ANKS1B: variants seen among roughly 807,000 people sequenced by gnomAD.
ANKS1B encodes the protein ankyrin repeat and sterile alpha motif domain-containing protein 1B.
In ANKS1B, 36 loss-of-function variants were observed where a neutral mutation model predicts 148.3. The ratio of observed to expected loss-of-function variants is 0.24; its 90% confidence interval spans 0.19 to 0.32. The LOEUF is 0.32. Ranked by LOEUF, ANKS1B falls within the 10% of genes least tolerant of loss-of-function variation. The probability of loss-of-function intolerance (pLI) is 1.00; values close to 1 mark genes in which losing one functional copy is unlikely to be tolerated. For synonymous variants in ANKS1B, 542 were observed against 560.8 expected, an observed-to-expected ratio of 0.97 and a Z score of 0.47; for missense variants, 1,157 against 1,542.6, an observed-to-expected ratio of 0.75 and a Z score of 4.19.
At chr12:98,930,670 T>C (rs917363693) in intron 17 of ANKS1B, among the ~76,000 whole-genome samples, 1 of 150,170 alleles carries the variant, frequency 6.7e-6, no homozygotes, top group African/African-American at 2.5e-5. Flanking sequence ...AAAAAACTAA[T>C]GAAAAAAAGA....
chr12:99,814,351 C>T (rs1229184334), intron 2 of ANKS1B, among the ~76,000 whole-genome samples: 1 of 151,618 alleles, frequency 6.6e-6, no homozygotes, highest in Non-Finnish European at 1.5e-5. Flanking sequence ...AGAATTCACT[C>T]AATAAATAGT....
chr12:99,910,354 CAAA>C (rs57222450), intron 1 of ANKS1B, among the ~76,000 whole-genome samples: 2 of 51,090 alleles, frequency 3.9e-5, no homozygotes, highest in African/African-American at 1.6e-4. Context: ...GACTCCATCT[CAAA>C]AAAAAAAAAA....
At chr12:99,696,636 GA>G (rs1262495785) in intron 8 of ANKS1B, among the ~76,000 whole-genome samples, 2 of 152,048 alleles carry the variant, frequency 1.3e-5, no homozygotes, top group Non-Finnish European at 2.9e-5. Flanking sequence ...AAGATAACAG[GA>G]AAAAAATCTA....
chr12:98,815,415 G>GCATC (rs1257337332), intron 19 of ANKS1B, among the ~76,000 whole-genome samples: 1 of 152,094 alleles, frequency 6.6e-6, no homozygotes, highest in Non-Finnish European at 1.5e-5. Context: ...TGTTATCTGA[G>GCATC]CATCCCTGGA....
chr12:99,586,265 T>C (rs962699390), intron 9 of ANKS1B, among the ~76,000 whole-genome samples: 1 of 152,132 alleles, frequency 6.6e-6, no homozygotes. Flanking sequence ...AGTTCCAAGC[T>C]CCACAGATCT....
At chr12:99,124,418 A>ATGTGTGTGTGTG (rs71081900) in intron 15 of ANKS1B, among the ~76,000 whole-genome samples, 36,169 of 149,784 alleles carry the variant, frequency 0.24, 4,424 homozygotes, top group African/African-American at 0.3. Context: ...ATTTGTGTGC[A>ATGTGTGTGTGTG]TGTGTGTGTG....
At chr12:99,819,374 A>G (rs1489125845) in intron 2 of ANKS1B, among the ~76,000 whole-genome samples, 2 of 151,852 alleles carry the variant, frequency 1.3e-5, no homozygotes, top group Non-Finnish European at 2.9e-5. Flanking sequence ...TCAAAGAGCA[A>G]CTTCAGAGAC....
chr12:99,024,950 C>T (rs917063075), intron 17 of ANKS1B, among the ~76,000 whole-genome samples: 5 of 152,152 alleles, frequency 3.3e-5, no homozygotes, highest in Admixed American at 6.5e-5. Flanking sequence ...CCCTCCCTCA[C>T]GCTTCCTGTC....
At chr12:99,131,259 G>T (rs1045814315) in intron 15 of ANKS1B, among the ~76,000 whole-genome samples, 3 of 152,216 alleles carry the variant, frequency 2.0e-5, no homozygotes, top group African/African-American at 4.8e-5. Flanking sequence ...TCTTGCACGA[G>T]ATTTCATGAG....
intron 8 of ANKS1B, among the ~76,000 whole-genome samples, chr12:99,716,224 A>C (rs1449653893): frequency 7.0e-6 from 1 of 142,906 alleles, no homozygotes. Context: ...TTATCTCTGC[A>C]CCCCAATTCC....
chr12:99,732,405 G>A (rs1272606589), intron 8 of ANKS1B, among the ~76,000 whole-genome samples: 1 of 152,010 alleles, frequency 6.6e-6, no homozygotes, highest in Non-Finnish European at 1.5e-5. Flanking sequence ...CTATCAACAG[G>A]CAAATGGAAA....
At chr12:99,201,116 G>C (rs1483055773) in intron 14 of ANKS1B, among the ~76,000 whole-genome samples, 1 of 152,168 alleles carries the variant, frequency 6.6e-6, no homozygotes, top group Non-Finnish European at 1.5e-5. Flanking sequence ...AACAGAGTAA[G>C]GGAAGAGAGA....
chr12:98,989,585 G>T (rs771461233), intron 17 of ANKS1B, among the ~76,000 whole-genome samples: 9 of 152,096 alleles, frequency 5.9e-5, no homozygotes, highest in Non-Finnish European at 1.2e-4. Context: ...GCTCATGATT[G>T]CTTTGTCTAT....
chr12:98,924,231 A>T (rs553739968), intron 17 of ANKS1B, among the ~76,000 whole-genome samples: 131 of 152,372 alleles, frequency 8.6e-4, no homozygotes, highest in African/African-American at 3.1e-3. Context: ...TCATTGCAAG[A>T]TTAAATGTGC....
At chr12:98,831,325 A>T (rs1256984614) in intron 18 of ANKS1B, 1 of 152,184 alleles carries the variant, frequency 6.6e-6, no homozygotes, top group Non-Finnish European at 1.5e-5. Context: ...TCTATTCTGA[A>T]TTTTTGAAGT....
At chr12:99,382,119 G>C (rs2093662900) in intron 12 of ANKS1B, among the ~76,000 whole-genome samples, 1 of 152,144 alleles carries the variant, frequency 6.6e-6, no homozygotes, top group Admixed American at 6.5e-5. Context: ...AATGACCCAT[G>C]AGAGAAACTT....
At chr12:99,218,237 T>C (rs1435669601) in intron 14 of ANKS1B, among the ~76,000 whole-genome samples, 1 of 152,232 alleles carries the variant, frequency 6.6e-6, no homozygotes, top group African/African-American at 2.4e-5. Context: ...CTAGGATTCT[T>C]CTGTTTCCCT....
At chr12:99,515,863 G>T (rs547597170) in intron 9 of ANKS1B, among the ~76,000 whole-genome samples, 1 of 152,152 alleles carries the variant, frequency 6.6e-6, no homozygotes, top group Admixed American at 6.6e-5. Flanking sequence ...ATTTAACTGG[G>T]GTGAAATGAT....
intron 8 of ANKS1B, among the ~76,000 whole-genome samples, chr12:99,658,443 C>A (rs2098460393): frequency 6.6e-6 from 1 of 152,030 alleles, no homozygotes; most frequent in Non-Finnish European, 1.5e-5. Context: ...CAGATTTCAT[C>A]CCTTACCTAA....
Sources: allele counts gnomAD v4.1 joint callset (sites outside exome capture counted in the v4.1 genomes callset), GRCh38; gene constraint gnomAD v4.1.1; transcripts MANE v1.5; gene names NCBI Gene and HGNC (gene_info 2026-07-23, HGNC 2026-07-21).